COL20A1: variants seen among roughly 807,000 people sequenced by gnomAD.
COL20A1 encodes the protein collagen type XX alpha 1 chain.
A neutral mutation model predicts 152.9 loss-of-function variants in COL20A1; 164 were observed. The observed-to-expected ratio is 1.07, with a 90% CI of 0.94 to 1.22. The LOEUF is 1.22. Among genes scored for constraint, COL20A1 ranks in the 50% most tolerant of loss-of-function variants. The pLI is 0.00. For missense variants in COL20A1, 1,873 were observed against 1,744.8 expected (o/e 1.07, Z -1.31); for synonymous variants, 864 against 756.0 (o/e 1.14, Z -2.34).
Position 63,295,082 on chromosome 20 carries a change from C to A in COL20A1, c.-10-16C>A. The A allele has an allele frequency of 2.6e-6, 4 of 1,518,912 alleles. No homozygotes were observed. Among genetic ancestry groups the A allele is most frequent in the Non-Finnish European group, 2.7e-6 (3 of 1,121,962 alleles). The allele number at this position is 1,518,912 out of a possible 1,614,324, so 94.1% of individuals were successfully genotyped here. ...CGGGGGGACGGCTGAAGGGCATGGC[C>A]TCTTCCCTGCCACAGCCCGAGCACC... On this transcript the variant is annotated splice_polypyrimidine_tract_variant and intron_variant, in intron 1 of 35. Transcript: ENST00000358894.
chr20:63,316,933 A>G (rs578170587), intron 21 of COL20A1, among the ~76,000 whole-genome samples: 1 of 152,374 alleles, frequency 6.6e-6, no homozygotes, highest in African/African-American at 2.4e-5. Flanking sequence ...TATTTTGGCA[A>G]CCAAGTATGG....
chr20:63,316,969 C>T (rs940517473), intron 21 of COL20A1, among the ~76,000 whole-genome samples: 1 of 152,238 alleles, frequency 6.6e-6, no homozygotes, highest in Admixed American at 6.5e-5. Context: ...GAGCTGAGGG[C>T]TGATCAAACA....
At chr20:63,318,645 C>T (rs1045380073) in intron 21 of COL20A1, among the ~76,000 whole-genome samples, 2 of 152,158 alleles carry the variant, frequency 1.3e-5, no homozygotes, top group Admixed American at 1.3e-4. Context: ...CCTCACGGGC[C>T]CCGGGAGCAC....
At chr20:63,320,690 C>A (rs977761416) in intron 25 of COL20A1, among the ~76,000 whole-genome samples, 2 of 5,312 alleles carry the variant, frequency 3.8e-4, no homozygotes, top group East Asian at 0.25. Flanking sequence ...TCAGTGACTC[C>A]TCTGTATACC....
In COL20A1 at chr20:63,332,386, T is replaced by C. The variant is rs2068343687; in HGVS notation, c.*1670T>C. The C allele has an allele frequency of 6.6e-6, 1 of 152,230 alleles. No homozygotes were observed. The highest frequency in any genetic ancestry group is 1.5e-5 in the Non-Finnish European group (1 of 68,084). The allele number at this position is 152,230 out of a possible 1,614,324, so 9.4% of individuals were successfully genotyped here. On this transcript the variant is annotated 3_prime_UTR_variant, in exon 36 of 36. Transcript: ENST00000358894. ...GTGACCAGCAAAACAGCTTGGTTGC[T>C]CTCACTTGGTTTCTCCAGGGCGGGG...
At chr20:63,330,179 AC>A (rs2068313974) in intron 35 of COL20A1, among the ~76,000 whole-genome samples, 1 of 152,120 alleles carries the variant, frequency 6.6e-6, no homozygotes, top group South Asian at 2.1e-4. Context: ...GGGCAGGCGG[AC>A]CCTGTGTGCA....
intron 18 of COL20A1, 50 bp from the exon 19 acceptor site, chr20:63,314,022 C>T (rs147047195): frequency 1.7e-4 from 277 of 1,610,912 alleles, no homozygotes; most frequent in Middle Eastern, 5.0e-4. Context: ...GCCGCGTGGA[C>T]GAGCAAAGTT....
chr20:63,309,758 C>T lies in COL20A1; in HGVS notation c.1106C>T (p.Ala369Val). The T allele has an allele frequency of 6.4e-7, 1 of 1,568,846 alleles. No homozygotes were observed. Among genetic ancestry groups the T allele is most frequent in the Admixed American group, 1.9e-5 (1 of 53,912 alleles). Residue 369 changes from alanine to valine, a missense_variant and splice_region_variant, in exon 10 of 36, where the codon GCA becomes GTA. Ala to Val is a moderately conservative substitution (Grantham distance 64, BLOSUM62 0). Transcript: ENST00000358894. ...LQGGSPRQGP[A>V]AAPALDTLPA... ...CCCCCCACTCCCGCTACTCCAGCAG[C>T]AGCGGCTCCAGCCCTGGACACCCTC... is the stretch of plus-strand genomic sequence containing the variant.
chr20:63,328,112 C>T lies in COL20A1; in HGVS notation c.3598C>T (p.Leu1200Phe), dbSNP rs764294757. ...EPQSLATLYQLVSQASHVSKF... is the reference protein window; with the variant it reads ...EPQSLATLYQFVSQASHVSKF... ...GCAGTCCCTTGCCACCCTCTACCAG[C>T]TTGTGAGCCAGGCCTGTGAGTCTGC... The change falls in exon 33 of 36, where the codon CTT becomes TTT. Residue 1200 changes from leucine to phenylalanine, a missense_variant. Coordinates refer to ENST00000358894, the MANE Select transcript of COL20A1 (RefSeq NM_020882.4). 1.2e-6 allele frequency: 2 copies of T among 1,613,300 alleles called. No homozygotes were observed. The highest frequency in any genetic ancestry group is 2.2e-5 in the South Asian group (2 of 91,016).
At chr20:63,327,723 A>C in intron 31 of COL20A1, 2 of 585,592 alleles carry the variant, frequency 3.4e-6, no homozygotes, top group Admixed American at 3.0e-5. Flanking sequence ...CACAAGTTCC[A>C]GCCCCACTCA....
chr20:63,330,302 C>T lies in COL20A1; in HGVS notation c.*4-418C>T, dbSNP rs1013683646. The stretch of plus-strand genomic sequence containing the variant: ...AGTAGCTTCAGGGGCCAGAGCGTGG[C>T]GCAGGGTGTGTGACCTGGGGCCCAT... On this transcript the variant is annotated intron_variant, in intron 35 of 35. Coordinates refer to ENST00000358894, the MANE Select transcript of COL20A1 (RefSeq NM_020882.4). Among the ~76,000 whole-genome samples, 9 of 152,182 alleles carry T rather than the reference C, an allele frequency of 5.9e-5. No individual in the cohort carries two copies. In the South Asian group the frequency reaches 8.3e-4, roughly 14 times the overall value.
chr20:63,320,975 G>A (rs1157531521), intron 25 of COL20A1, 38 bp from the exon 26 acceptor site: 1 of 1,459,644 alleles, frequency 6.9e-7, no homozygotes, highest in East Asian at 2.5e-5. Flanking sequence ...GAGCCAGGGA[G>A]AGGGTCTCTC....
intron 21 of COL20A1, among the ~76,000 whole-genome samples, chr20:63,317,695 C>T (rs559371887): frequency 6.6e-6 from 1 of 152,166 alleles, no homozygotes; most frequent in East Asian, 1.9e-4. Context: ...TGACTGTTCC[C>T]CGGCTTCCCT....
rs115605588 is a variant in COL20A1, at chr20:63,316,769, C to T, written c.2663+78C>T. ...AGATTAGGAGGACATGGTGGGGGGG[C>T]GGGCATGGGCCGGAGACCTCCTGGA... On this transcript the variant is annotated intron_variant, in intron 21 of 35. Transcript: ENST00000358894. The T allele has an allele frequency of 0.083, 68,355 of 825,648 alleles. 2,299 individuals carry two copies. Among genetic ancestry groups the T allele is most frequent in the South Asian group, 0.11 (6,101 of 54,724 alleles). The allele number at this position is 825,648 out of a possible 1,614,324, so 51.1% of individuals were successfully genotyped here.
At chr20:63,316,088 T>C (rs1234256668) in intron 20 of COL20A1, among the ~76,000 whole-genome samples, 3 of 151,792 alleles carry the variant, frequency 2.0e-5, no homozygotes, top group African/African-American at 7.3e-5. Flanking sequence ...CTGGCCACGC[T>C]GTGTGCCAGC....
chr20:63,330,270 G>A (rs576983008), intron 35 of COL20A1, among the ~76,000 whole-genome samples: 14 of 152,242 alleles, frequency 9.2e-5, no homozygotes, highest in South Asian at 4.1e-4. Flanking sequence ...GCACAACTCC[G>A]GCCTCAAGTA....
chr20:63,298,061 C>A (rs765326152), intron 3 of COL20A1, 41 bp downstream of exon 3: 3 of 1,418,064 alleles, frequency 2.1e-6, no homozygotes, highest in Non-Finnish European at 3.0e-6. Flanking sequence ...CCCATTAGCA[C>A]GTGCCGAGGA....
At chr20:63,308,208 T>TGTGAACAGGGC in intron 7 of COL20A1, 118 bp downstream of exon 7, 1 of 1,260,492 alleles carries the variant, frequency 7.9e-7, no homozygotes, top group Non-Finnish European at 1.1e-6. Context: ...CTGAGCCCTG[T>TGTGAACAGGGC]TCACACCTTT....
chr20:63,316,544 C>G lies in COL20A1; in HGVS notation c.2525-9C>G, dbSNP rs370735194. 1 of 1,585,450 alleles carries G rather than the reference C, an allele frequency of 6.3e-7. No individual in the cohort carries two copies. Among genetic ancestry groups the G allele is most frequent in the African/African-American group, 1.3e-5 (1 of 74,216 alleles). On this transcript the variant is annotated splice_polypyrimidine_tract_variant and intron_variant, in intron 20 of 35. Transcript: ENST00000358894. ...CCCTCGGTGCCCCTTCCCCCACCAT[C>G]TTCCCCAGGGTTTGACCTGATGGTG...
Sources: allele counts gnomAD v4.1 joint callset (sites outside exome capture counted in the v4.1 genomes callset), GRCh38; gene constraint gnomAD v4.1.1; transcripts MANE v1.5; gene names NCBI Gene and HGNC (gene_info 2026-07-23, HGNC 2026-07-21).